Variants in TRMT11 observed in about 807,000 individuals in gnomAD.
TRMT11 encodes tRNA (guanine(10)-N(2))-methyltransferase TRMT11.
Under a neutral mutation model 62.8 loss-of-function variants are expected in TRMT11, and 53 were observed. The observed-to-expected ratio is 0.84, with a 90% CI of 0.68 to 1.06. The LOEUF is 1.06. Ranked by LOEUF, TRMT11 falls within the 50% of genes least tolerant of loss-of-function variation. The pLI is 0.00. For missense variants in TRMT11, 556 were observed against 553.4 expected, an observed-to-expected ratio of 1.00 and a Z score of -0.05; for synonymous variants, 188 against 190.3, an observed-to-expected ratio of 0.99 and a Z score of 0.10.
the TRMT11 span, among the ~76,000 whole-genome samples, chr6:126,220,966 T>C: frequency 1.3e-5 from 2 of 152,210 alleles, no homozygotes; most frequent in Non-Finnish European, 1.5e-5. Flanking sequence ...TTTGTGTCCA[T>C]GTGTACTCAA....
intron 17 of TRMT11, among the ~76,000 whole-genome samples, chr6:126,056,485 G>T (rs1030184666): frequency 2.0e-5 from 3 of 152,184 alleles, no homozygotes; most frequent in Non-Finnish European, 4.4e-5. Flanking sequence ...AGAAGCGGTA[G>T]CCTCTCTTAG....
At chr6:126,227,779 C>T in the TRMT11 span, among the ~76,000 whole-genome samples, 3 of 152,194 alleles carry the variant, frequency 2.0e-5, no homozygotes, top group Non-Finnish European at 4.4e-5. Context: ...GTCTCTCTGT[C>T]TCTTTCTATC....
intron 21 of TRMT11, among the ~76,000 whole-genome samples, chr6:126,121,020 G>A (rs1777643724): frequency 6.6e-6 from 1 of 151,988 alleles, no homozygotes; most frequent in Non-Finnish European, 1.5e-5. Context: ...GGTTTCTTAG[G>A]CCCACGTTAG....
chr6:126,178,810 G>A (rs1315939881), intron 1 of TRMT11, among the ~76,000 whole-genome samples: 2 of 152,060 alleles, frequency 1.3e-5, no homozygotes, highest in East Asian at 1.9e-4. Flanking sequence ...TCAGGGAAGC[G>A]GTTGGGAGTT....
chr6:126,159,782 A>G (rs1201610648), intron 21 of TRMT11, among the ~76,000 whole-genome samples: 1 of 152,132 alleles, frequency 6.6e-6, no homozygotes, highest in Non-Finnish European at 1.5e-5. Context: ...TTTGGGTGGC[A>G]TCGGTCAGTC....
At chr6:126,170,422 T>G (rs1011255398) in intron 21 of TRMT11, among the ~76,000 whole-genome samples, 1 of 152,238 alleles carries the variant, frequency 6.6e-6, no homozygotes, top group Non-Finnish European at 1.5e-5. Flanking sequence ...CATAGAAAAT[T>G]CAGTGGATGT....
intron 21 of TRMT11, among the ~76,000 whole-genome samples, chr6:126,131,332 A>C (rs1375588519): frequency 6.6e-6 from 1 of 152,062 alleles, no homozygotes; most frequent in African/African-American, 2.4e-5. Flanking sequence ...AGAGGAGATA[A>C]CTGATCTGGG....
chr6:126,165,248 C>T (rs991415835), intron 21 of TRMT11, among the ~76,000 whole-genome samples: 5 of 149,222 alleles, frequency 3.4e-5, no homozygotes, highest in African/African-American at 1.2e-4. Context: ...CACTGTACTC[C>T]AGCCCAGTGA....
intron 17 of TRMT11, among the ~76,000 whole-genome samples, chr6:126,075,940 G>T (rs767609269): frequency 7.2e-5 from 11 of 152,178 alleles, no homozygotes; most frequent in Non-Finnish European, 1.5e-4. Flanking sequence ...TATTTGGCCA[G>T]ATCTAATCAC....
At chr6:126,027,101 C>A (rs948496576) in intron 12 of TRMT11, among the ~76,000 whole-genome samples, 1 of 152,142 alleles carries the variant, frequency 6.6e-6, no homozygotes, top group East Asian at 1.9e-4. Context: ...CCACCGCGCC[C>A]GGCCGTTTGT....
chr6:125,995,436 G>A (rs1277935981), intron 2 of TRMT11, among the ~76,000 whole-genome samples: 1 of 152,098 alleles, frequency 6.6e-6, no homozygotes, highest in Non-Finnish European at 1.5e-5. Flanking sequence ...TGATGCACTT[G>A]GAGCTTTTTT....
intron 21 of TRMT11, among the ~76,000 whole-genome samples, chr6:126,127,417 A>G (rs1777730146): frequency 6.6e-6 from 1 of 152,138 alleles, no homozygotes; most frequent in Non-Finnish European, 1.5e-5. Flanking sequence ...TAGAAACCTC[A>G]GAAAGATATA....
intron 12 of TRMT11, among the ~76,000 whole-genome samples, chr6:126,035,113 A>T (rs1040761353): frequency 6.6e-6 from 1 of 152,078 alleles, no homozygotes; most frequent in Non-Finnish European, 1.5e-5. Context: ...AATGCTGCAT[A>T]GAGTATAGTA....
intron 12 of TRMT11, among the ~76,000 whole-genome samples, chr6:126,033,774 C>T (rs774882590): frequency 1.1e-4 from 17 of 152,234 alleles, no homozygotes; most frequent in Non-Finnish European, 1.8e-4. Context: ...TTTCAGTTCA[C>T]ATCAGGAAGT....
At chr6:126,086,363 C>G (rs982856594) in intron 17 of TRMT11, among the ~76,000 whole-genome samples, 3 of 152,122 alleles carry the variant, frequency 2.0e-5, no homozygotes, top group African/African-American at 7.2e-5. Context: ...TCCAGTGTCC[C>G]GAGCTAGAAA....
At chr6:126,252,129 A>G in the TRMT11 span, among the ~76,000 whole-genome samples, 1 of 152,250 alleles carries the variant, frequency 6.6e-6, no homozygotes, top group Admixed American at 6.5e-5. Context: ...TCAGTAAGGT[A>G]CGAAAGGACA....
chr6:126,003,734 C>T (rs1241732738), intron 7 of TRMT11, among the ~76,000 whole-genome samples: 1 of 151,720 alleles, frequency 6.6e-6, no homozygotes, highest in Non-Finnish European at 1.5e-5. Context: ...TGGTCTCTTT[C>T]CCTGATTTTT....
intron 21 of TRMT11, among the ~76,000 whole-genome samples, chr6:126,117,063 C>T (rs574514337): frequency 6.6e-6 from 1 of 152,034 alleles, no homozygotes; most frequent in Admixed American, 6.6e-5. Context: ...CTATGGTCCA[C>T]GATTCAAATT....
At chr6:126,246,771 T>C in the TRMT11 span, among the ~76,000 whole-genome samples, 1 of 152,118 alleles carries the variant, frequency 6.6e-6, no homozygotes, top group South Asian at 2.1e-4. Flanking sequence ...AATACATATA[T>C]CTATTCTCCC....
Sources: gnomAD v4.1 joint callset for allele counts (sites outside exome capture counted in the v4.1 genomes callset) on GRCh38, gnomAD v4.1.1 for gene constraint, MANE v1.5 for transcripts, NCBI Gene and HGNC (gene_info 2026-07-23, HGNC 2026-07-21) for gene names.